BUB1B: variants seen among roughly 807,000 people sequenced by gnomAD.
BUB1B encodes mitotic checkpoint serine/threonine-protein kinase BUB1 beta.
In BUB1B, 86 loss-of-function variants were observed where a neutral mutation model predicts 137.7. The observed-to-expected ratio is 0.62, with a 90% confidence interval of 0.52 to 0.75. The LOEUF is 0.75. Among genes scored for constraint, BUB1B ranks in the 30% least tolerant of loss-of-function variants. The pLI is 0.00. For synonymous variants in BUB1B, 420 were observed against 417.9 expected (o/e 1.00, Z -0.06); for missense variants, 1,130 against 1,236.9 (o/e 0.91, Z 1.30).
At chr15:40,205,103 C>T (rs1051991395) in intron 14 of BUB1B, among the ~76,000 whole-genome samples, 2 of 151,896 alleles carry the variant, frequency 1.3e-5, no homozygotes, top group African/African-American at 4.8e-5. Context: ...CCCACCACCA[C>T]GCCCAGCTAA....
At chr15:40,179,375 G>C (rs2037257868) in intron 5 of BUB1B, among the ~76,000 whole-genome samples, 1 of 152,012 alleles carries the variant, frequency 6.6e-6, no homozygotes, top group Admixed American at 6.6e-5. Flanking sequence ...TGTTATATTT[G>C]CGTAACAGGT....
intron 8 of BUB1B, 29 bp downstream of exon 8, chr15:40,185,671 T>G (rs1351194077): frequency 6.3e-7 from 1 of 1,592,152 alleles, no homozygotes; most frequent in Admixed American, 1.7e-5. Flanking sequence ...TATTTTGAAG[T>G]GGGAATTATT....
intron 6 of BUB1B, among the ~76,000 whole-genome samples, chr15:40,184,156 A>G (rs1022948764): frequency 2.6e-5 from 4 of 152,224 alleles, no homozygotes; most frequent in Non-Finnish European, 5.9e-5. Flanking sequence ...ATGTAGTAAC[A>G]TAGCAGGTGT....
Position 40,161,092 on chromosome 15 carries a change from TTA to T in BUB1B, c.-128_-127del. Reference sequence around the variant, plus strand: ...GTGTGGGCTTGAGGTGGCCGGTTTGTTAGGGAGTCGTGTACGTGCCTTGGTCG... The same window carrying T: ...GTGTGGGCTTGAGGTGGCCGGTTTGTGGGAGTCGTGTACGTGCCTTGGTCG... On this transcript the variant is annotated 5_prime_UTR_variant, in exon 1 of 23. Transcript: ENST00000287598. The T allele has an allele frequency of 1.6e-6, 2 of 1,267,862 alleles. No homozygotes were observed. The highest frequency in any genetic ancestry group is 2.2e-6 in the Non-Finnish European group (2 of 915,732). 78.5% of individuals were successfully genotyped at this position (1,267,862 alleles called of 1,614,324 possible). A position where few individuals can be genotyped will look rare whatever the true frequency, so the allele number is the denominator to read the frequency against.
intron 5 of BUB1B, among the ~76,000 whole-genome samples, chr15:40,178,618 A>G (rs115705464): frequency 5.8e-4 from 89 of 152,158 alleles, no homozygotes; most frequent in African/African-American, 2.0e-3. Flanking sequence ...ATCATTGATG[A>G]CTTTCTGTCT....
At chr15:40,219,487 C>T (rs2037857460) in intron 22 of BUB1B, among the ~76,000 whole-genome samples, 6 of 151,930 alleles carry the variant, frequency 3.9e-5, no homozygotes, top group South Asian at 4.2e-4. Context: ...TTTGGGAGGC[C>T]GAGGCAGATT....
Position 40,213,409 on chromosome 15 carries a change from G to A in BUB1B, c.2613G>A (p.Glu871=), listed in dbSNP as rs2037738388. ...TTTATAACCTTTTGACAATAGTGGAGATGCTACACAAAGCAGAAATAGTCC... is the reference window on the plus strand; with the variant it reads ...TTTATAACCTTTTGACAATAGTGGAAATGCTACACAAAGCAGAAATAGTCC... ...LIIYNLLTIV[E]MLHKAEIVHG... Residue 871 remains glutamate (E), a synonymous_variant, in exon 20 of 23, where the codon GAG becomes GAA. Coordinates refer to ENST00000287598, the MANE Select transcript of BUB1B (RefSeq NM_001211.6). 5.0e-6 allele frequency: 8 copies of A among 1,614,024 alleles called. No individual in the cohort carries two copies. The highest frequency in any genetic ancestry group is 6.8e-6 in the Non-Finnish European group (8 of 1,179,888).
At chr15:40,214,785 C>CTT (rs1381565351) in intron 20 of BUB1B, among the ~76,000 whole-genome samples, 1 of 152,104 alleles carries the variant, frequency 6.6e-6, no homozygotes, top group East Asian at 1.9e-4. Flanking sequence ...TGAGACAATT[C>CTT]TTTGTGCAGG....
intron 8 of BUB1B, among the ~76,000 whole-genome samples, chr15:40,190,886 T>G (rs973736263): frequency 2.0e-5 from 3 of 147,406 alleles, no homozygotes; most frequent in Admixed American, 6.6e-5. Flanking sequence ...GAACGCCTTG[T>G]AATTTTTTTT....
At chr15:40,178,128 T>G (rs2037243553) in intron 5 of BUB1B, among the ~76,000 whole-genome samples, 1 of 151,990 alleles carries the variant, frequency 6.6e-6, no homozygotes, top group African/African-American at 2.4e-5. Context: ...TAACTTGCTC[T>G]TCTTTTTGTA....
intron 21 of BUB1B, among the ~76,000 whole-genome samples, chr15:40,218,108 A>G (rs2037825364): frequency 1.3e-5 from 2 of 152,262 alleles, no homozygotes; most frequent in African/African-American, 2.4e-5. Context: ...AGCTTTAGAC[A>G]TAAGACATTT....
chr15:40,166,988 C>T (rs2037106621), intron 2 of BUB1B, among the ~76,000 whole-genome samples: 1 of 151,878 alleles, frequency 6.6e-6, no homozygotes, highest in African/African-American at 2.4e-5. Context: ...TGTAGGGGTT[C>T]TTTATTTACT....
intron 5 of BUB1B, 57 bp downstream of exon 5, chr15:40,176,730 T>C: frequency 1.3e-6 from 2 of 1,563,636 alleles, no homozygotes; most frequent in East Asian, 2.3e-5. Context: ...AAATTATCTC[T>C]TTTTTGCATC....
intron 5 of BUB1B, 25 bp from the exon 6 acceptor site, chr15:40,183,689 A>C: frequency 6.2e-7 from 1 of 1,613,212 alleles, no homozygotes; most frequent in South Asian, 1.1e-5. Flanking sequence ...CACCTCACTA[A>C]AAGTTGTGCA....
chr15:40,199,880 A>G (rs1275702363), intron 10 of BUB1B, among the ~76,000 whole-genome samples, 153 bp downstream of exon 10: 1 of 152,210 alleles, frequency 6.6e-6, no homozygotes, highest in Non-Finnish European at 1.5e-5. Context: ...CGGGAAAGTA[A>G]TTTAACAGGT....
intron 2 of BUB1B, among the ~76,000 whole-genome samples, chr15:40,166,929 C>G (rs987701007): frequency 6.6e-6 from 1 of 151,910 alleles, no homozygotes; most frequent in African/African-American, 2.4e-5. Context: ...TGTATATCTT[C>G]TTTTGTGGTG....
chr15:40,219,740 G>C (rs1015747471), intron 22 of BUB1B, among the ~76,000 whole-genome samples: 1 of 151,416 alleles, frequency 6.6e-6, no homozygotes, highest in African/African-American at 2.4e-5. Flanking sequence ...AAGTATCTAC[G>C]TTCCACTTTA....
chr15:40,205,716 T>C (rs796987618), intron 14 of BUB1B, among the ~76,000 whole-genome samples: 1 of 152,234 alleles, frequency 6.6e-6, no homozygotes, highest in Non-Finnish European at 1.5e-5. Flanking sequence ...CAGAGTATCA[T>C]GAATGCTACA....
chr15:40,209,874 A>G (rs915155330), intron 17 of BUB1B, 99 bp downstream of exon 17: 43 of 1,492,952 alleles, frequency 2.9e-5, no homozygotes, highest in Middle Eastern at 1.7e-4. Context: ...AAATATTCCT[A>G]GATTGTATTT....
Sources: gnomAD v4.1 joint callset for allele counts (sites outside exome capture counted in the v4.1 genomes callset) on GRCh38, gnomAD v4.1.1 for gene constraint, MANE v1.5 for transcripts, NCBI Gene and HGNC (gene_info 2026-07-23, HGNC 2026-07-21) for gene names.